Variants in CTNNA2 observed in about 807,000 individuals in gnomAD.
The protein encoded by CTNNA2 is catenin alpha-2.
Under a neutral mutation model 101.0 loss-of-function variants are expected in CTNNA2, and 42 were observed. The observed-to-expected ratio is 0.42, with a 90% CI of 0.32 to 0.54. The LOEUF is 0.54. CTNNA2 is among the 20% of genes least tolerant of loss of function. The pLI is 0.14. For missense variants in CTNNA2, 871 were observed against 1,223.1 expected, an observed-to-expected ratio of 0.71 and a Z score of 4.29; for synonymous variants, 450 against 456.4, an observed-to-expected ratio of 0.99 and a Z score of 0.18.
chr2:79,694,584 A>C (rs1178581825), intron 2 of CTNNA2, among the ~76,000 whole-genome samples: 1 of 151,808 alleles, frequency 6.6e-6, no homozygotes, highest in Non-Finnish European at 1.5e-5. Context: ...ATTTGAATAG[A>C]GGATGTCAGG....
intron 2 of CTNNA2, among the ~76,000 whole-genome samples, chr2:79,258,100 T>C (rs551161116): frequency 2.0e-5 from 3 of 152,314 alleles, no homozygotes; most frequent in East Asian, 3.9e-4. Flanking sequence ...TTCACCTGTA[T>C]AGCAACCCTA....
intron 2 of CTNNA2, among the ~76,000 whole-genome samples, chr2:79,256,106 C>T (rs1052151829): frequency 3.3e-5 from 5 of 152,058 alleles, no homozygotes; most frequent in Non-Finnish European, 7.4e-5. Flanking sequence ...AGCCAACTAC[C>T]ACGTCAGCTC....
chr2:79,660,237 CTA>C (rs1196486154), intron 2 of CTNNA2, among the ~76,000 whole-genome samples: 1 of 132,302 alleles, frequency 7.6e-6, no homozygotes, highest in African/African-American at 2.6e-5. Flanking sequence ...TGTATGTATA[CTA>C]TATATGTGTA....
intron 1 of CTNNA2, among the ~76,000 whole-genome samples, chr2:79,577,578 T>A (rs1675876109): frequency 6.6e-6 from 1 of 152,100 alleles, no homozygotes; most frequent in Non-Finnish European, 1.5e-5. Flanking sequence ...GTTGGGAGAA[T>A]TACCCCTATC....
At chr2:80,232,865 A>G (rs560221784) in intron 7 of CTNNA2, among the ~76,000 whole-genome samples, 1 of 152,270 alleles carries the variant, frequency 6.6e-6, no homozygotes, top group Admixed American at 6.5e-5. Flanking sequence ...CAACTTACAC[A>G]TGATGCAATC....
At chr2:80,431,198 T>C (rs903509018) in intron 9 of CTNNA2, among the ~76,000 whole-genome samples, 1 of 152,188 alleles carries the variant, frequency 6.6e-6, no homozygotes, top group African/African-American at 2.4e-5. Flanking sequence ...TTTTCAGGTT[T>C]CTTTGACTCC....
chr2:79,320,260 ATTT>A (rs34694986), intron 3 of CTNNA2, among the ~76,000 whole-genome samples: 1 of 119,776 alleles, frequency 8.3e-6, no homozygotes. Flanking sequence ...TTACGTTTCA[ATTT>A]TTTTTTTTTT....
At chr2:79,499,319 A>G (rs1671293003) in intron 4 of CTNNA2, 1 of 152,214 alleles carries the variant, frequency 6.6e-6, no homozygotes, top group Non-Finnish European at 1.5e-5. Flanking sequence ...CTGAAGTCAG[A>G]GCTAGGGTGG....
chr2:79,724,177 T>C (rs1042014564), intron 2 of CTNNA2, among the ~76,000 whole-genome samples: 14 of 152,002 alleles, frequency 9.2e-5, no homozygotes, highest in African/African-American at 3.1e-4. Context: ...CCTTCTCCAG[T>C]TGGTTTCCTT....
Position 80,440,429 on chromosome 2 carries a change from T to C in CTNNA2, c.1290+20828T>C, listed in dbSNP as rs148317462. On this transcript the variant is annotated intron_variant, in intron 9 of 18. Coordinates refer to ENST00000402739, the MANE Select transcript of CTNNA2 (RefSeq NM_001282597.3). ...CCACAGTTTTAAGAAAATCTTAGAA[T>C]TAAATAAGTAAATGGTGTTTCTGCT... Among the ~76,000 whole-genome samples, 1,378 of 152,290 alleles carry C rather than the reference T, an allele frequency of 9.0e-3. 9 individuals are homozygous for C. The highest frequency in any genetic ancestry group is 0.013 in the Non-Finnish European group (913 of 68,032).
chr2:80,204,283 T>A (rs1314779079), intron 7 of CTNNA2, among the ~76,000 whole-genome samples: 2 of 152,304 alleles, frequency 1.3e-5, no homozygotes, highest in Middle Eastern at 3.4e-3. Context: ...TGGGATTTTC[T>A]TTTCTATTGC....
At chr2:80,535,059 A>C (rs543162988) in intron 9 of CTNNA2, among the ~76,000 whole-genome samples, 10 of 152,336 alleles carry the variant, frequency 6.6e-5, no homozygotes, top group Middle Eastern at 3.4e-3. Context: ...GCAGTGACAA[A>C]AAGAATTATA....
chr2:79,714,822 A>C (rs944495053), intron 2 of CTNNA2, among the ~76,000 whole-genome samples: 3 of 152,024 alleles, frequency 2.0e-5, no homozygotes, highest in Admixed American at 2.0e-4. Context: ...TTTTTTGTAT[A>C]AATTATAAAG....
chr2:79,287,533 C>T (rs1675640576), intron 2 of CTNNA2, among the ~76,000 whole-genome samples: 1 of 127,908 alleles, frequency 7.8e-6, no homozygotes, highest in Non-Finnish European at 1.7e-5. Context: ...GTCAGTCTGC[C>T]CCTGCTGGGG....
chr2:80,006,808 G>A (rs1025218985), intron 7 of CTNNA2, among the ~76,000 whole-genome samples: 44 of 152,154 alleles, frequency 2.9e-4, no homozygotes, highest in African/African-American at 1.0e-3. Flanking sequence ...CATTAATTGC[G>A]CTACCTCCTT....
chr2:80,561,507 C>G (rs1693590244), intron 12 of CTNNA2, among the ~76,000 whole-genome samples: 1 of 152,158 alleles, frequency 6.6e-6, no homozygotes, highest in South Asian at 2.1e-4. Context: ...ATGTCAGTTT[C>G]CCATGTTCCA....
chr2:79,963,547 A>G (rs1689813663), intron 7 of CTNNA2, among the ~76,000 whole-genome samples: 1 of 152,150 alleles, frequency 6.6e-6, no homozygotes, highest in South Asian at 2.1e-4. Context: ...TGTCATACCA[A>G]CAGGAATCCA....
intron 2 of CTNNA2, among the ~76,000 whole-genome samples, chr2:79,202,726 A>ATGTTTGTT (rs1674053120): frequency 9.6e-6 from 1 of 104,672 alleles, no homozygotes; most frequent in Admixed American, 1.0e-4. Flanking sequence ...TTATGGTTCT[A>ATGTTTGTT]CGTTTCTTTG....
chr2:80,592,520 C>T (rs1485423010), intron 15 of CTNNA2, among the ~76,000 whole-genome samples: 4 of 152,190 alleles, frequency 2.6e-5, no homozygotes, highest in Non-Finnish European at 1.5e-5. Flanking sequence ...AATAGTTCAA[C>T]TTGTGATTCT....
Sources: gnomAD v4.1 joint callset for allele counts (sites outside exome capture counted in the v4.1 genomes callset) on GRCh38, gnomAD v4.1.1 for gene constraint, MANE v1.5 for transcripts, NCBI Gene and HGNC (gene_info 2026-07-23, HGNC 2026-07-21) for gene names.